The following MTUS2 variants were observed in gnomAD, a reference collection of about 807,000 sequenced individuals.
MTUS2 encodes the protein microtubule-associated tumor suppressor candidate 2.
A neutral mutation model predicts 114.1 loss-of-function variants in MTUS2; 40 were observed. That is an observed-to-expected ratio of 0.35 (90% CI 0.27 to 0.46). The LOEUF (loss-of-function observed/expected upper bound fraction) is 0.46, where lower values mean the gene tolerates loss of function less well. Among genes scored for constraint, MTUS2 ranks in the 20% least tolerant of loss-of-function variants. The pLI is 1.00. For missense variants in MTUS2, 1,679 were observed against 1,705.4 expected (o/e 0.98, Z 0.27); for synonymous variants, 688 against 672.0 (o/e 1.02, Z -0.37).
At chr13:29,204,708 A>G (rs1424342441) in intron 5 of MTUS2, among the ~76,000 whole-genome samples, 1 of 152,244 alleles carries the variant, frequency 6.6e-6, no homozygotes, top group Non-Finnish European at 1.5e-5. Context: ...CGCCCATGAC[A>G]GCAGTGTAGT....
intron 1 of MTUS2, among the ~76,000 whole-genome samples, chr13:28,839,190 TAGAGA>T (rs367600645): frequency 6.6e-6 from 1 of 152,176 alleles, no homozygotes; most frequent in Admixed American, 6.5e-5. Flanking sequence ...TTGGACAATT[TAGAGA>T]AGAGAGTAAT....
At chr13:29,171,623 A>T (rs956804223) in intron 5 of MTUS2, among the ~76,000 whole-genome samples, 4 of 152,238 alleles carry the variant, frequency 2.6e-5, no homozygotes, top group African/African-American at 4.8e-5. Context: ...TCTGCACGTG[A>T]CACAAAATTC....
intron 2 of MTUS2, among the ~76,000 whole-genome samples, chr13:28,882,508 G>A (rs1055212045): frequency 1.3e-5 from 2 of 152,108 alleles, no homozygotes; most frequent in Non-Finnish European, 2.9e-5. Context: ...GGCTGGGGTG[G>A]GAGGATTGCT....
chr13:29,191,122 A>G (rs1894431401), intron 5 of MTUS2, among the ~76,000 whole-genome samples: 1 of 152,030 alleles, frequency 6.6e-6, no homozygotes, highest in African/African-American at 2.4e-5. Context: ...AGAGTCTCAT[A>G]ACGCTTCAGC....
intron 5 of MTUS2, among the ~76,000 whole-genome samples, chr13:29,193,288 A>G (rs1894522966): frequency 6.6e-6 from 1 of 152,146 alleles, no homozygotes; most frequent in Non-Finnish European, 1.5e-5. Flanking sequence ...TAGTAAATAT[A>G]GAACACACCA....
chr13:29,210,242 GTTTC>G (rs1219485021), intron 5 of MTUS2, among the ~76,000 whole-genome samples: 1 of 151,918 alleles, frequency 6.6e-6, no homozygotes, highest in African/African-American at 2.4e-5. Context: ...TGTATTTTGT[GTTTC>G]TTTAAGTGTG....
At chr13:29,164,465 G>A (rs973141631) in intron 5 of MTUS2, among the ~76,000 whole-genome samples, 1 of 152,202 alleles carries the variant, frequency 6.6e-6, no homozygotes, top group South Asian at 2.1e-4. Flanking sequence ...TTCAATGATT[G>A]TAAATGTCTG....
intron 5 of MTUS2, among the ~76,000 whole-genome samples, chr13:29,131,702 C>T (rs1891770438): frequency 6.6e-6 from 1 of 152,242 alleles, no homozygotes; most frequent in South Asian, 2.1e-4. Context: ...AGCCTGGCTT[C>T]CTGCTCACCT....
chr13:28,996,029 G>C (rs1193493791), intron 2 of MTUS2, among the ~76,000 whole-genome samples: 1 of 152,156 alleles, frequency 6.6e-6, no homozygotes, highest in Non-Finnish European at 1.5e-5. Flanking sequence ...TATTGGCAGT[G>C]GGTTTGTCAT....
chr13:29,384,771 C>T lies in MTUS2; in HGVS notation c.3117+25298C>T, dbSNP rs78859579. 2.1e-3 allele frequency among the ~76,000 whole-genome samples: 326 copies of T among 152,294 alleles called. 1 individual carries two copies. Among genetic ancestry groups the T allele is most frequent in the East Asian group, 0.021 (110 of 5,186 alleles). On this transcript the variant is annotated intron_variant, in intron 8 of 15. Transcript: ENST00000612955. ...CCTGCCAGCCTGGATATCCTTCAAA[C>T]ATGGCAGCCCCCAGCCTGGGACTCC...
intron 5 of MTUS2, among the ~76,000 whole-genome samples, chr13:29,186,053 G>T (rs368226745): frequency 2.6e-5 from 4 of 152,034 alleles, no homozygotes; most frequent in African/African-American, 7.2e-5. Flanking sequence ...TCTGCTAAAA[G>T]TTAAAAAAAA....
At chr13:28,992,898 C>T (rs1884926575) in intron 2 of MTUS2, among the ~76,000 whole-genome samples, 1 of 152,190 alleles carries the variant, frequency 6.6e-6, no homozygotes, top group South Asian at 2.1e-4. Flanking sequence ...TCTCTCCCCA[C>T]AGCCCCTGGC....
chr13:28,828,208 A>G (rs1052697305), intron 1 of MTUS2, among the ~76,000 whole-genome samples: 1 of 152,234 alleles, frequency 6.6e-6, no homozygotes. Context: ...TGCTCTTGAA[A>G]GAAGAGAAAT....
chr13:29,299,080 G>A (rs925658100), intron 6 of MTUS2, among the ~76,000 whole-genome samples: 1 of 152,152 alleles, frequency 6.6e-6, no homozygotes, highest in African/African-American at 2.4e-5. Context: ...ATCTTTGTGG[G>A]AGAATAATAA....
intron 9 of MTUS2, among the ~76,000 whole-genome samples, chr13:29,474,281 C>T (rs1401883911): frequency 6.6e-6 from 1 of 152,186 alleles, no homozygotes; most frequent in Non-Finnish European, 1.5e-5. Flanking sequence ...CCAATCATTT[C>T]TGAGCCTCTA....
At chr13:29,334,992 A>G (rs1900979115) in intron 7 of MTUS2, among the ~76,000 whole-genome samples, 1 of 152,204 alleles carries the variant, frequency 6.6e-6, no homozygotes, top group Non-Finnish European at 1.5e-5. Context: ...GTGTGTTTGA[A>G]CAATATCAAA....
intron 1 of MTUS2, among the ~76,000 whole-genome samples, chr13:28,827,181 A>G (rs1047264538): frequency 6.6e-6 from 1 of 152,194 alleles, no homozygotes; most frequent in Non-Finnish European, 1.5e-5. Context: ...ATTTTGGTTG[A>G]AATTGATGTT....
Position 29,480,490 on chromosome 13 carries a change from AG to A in MTUS2, c.3399+127del. On this transcript the variant is annotated intron_variant, in intron 10 of 15. Coordinates refer to ENST00000612955, the MANE Select transcript of MTUS2 (RefSeq NM_001033602.4). The surrounding 1 kb of genome is among the most constrained non-coding windows in gnomAD (Gnocchi z 4.4). ...AGCTTTCTGAACAGTTCACTTTCTG[AG>A]TTGCTTTCTCCTTTCTCCCCGCTCC... 1 of 1,060,462 alleles carries A rather than the reference AG, an allele frequency of 9.4e-7. No homozygotes were observed. Among genetic ancestry groups the A allele is most frequent in the Middle Eastern group, 3.2e-4 (1 of 3,160 alleles). 65.7% of individuals were successfully genotyped at this position (1,060,462 alleles called of 1,614,324 possible). A position where few individuals can be genotyped will look rare whatever the true frequency, so the allele number is the denominator to read the frequency against.
chr13:28,994,896 T>C (rs548633616), intron 2 of MTUS2, among the ~76,000 whole-genome samples: 6 of 152,290 alleles, frequency 3.9e-5, no homozygotes, highest in Admixed American at 3.9e-4. Flanking sequence ...GCAGAAGCTC[T>C]TTAGTTTAAT....
Sources: gnomAD v4.1 joint callset for allele counts (sites outside exome capture counted in the v4.1 genomes callset) on GRCh38, gnomAD v4.1.1 for gene constraint, Gnocchi (gnomAD v3.1) non-coding constraint, MANE v1.5 for transcripts, NCBI Gene and HGNC (gene_info 2026-07-23, HGNC 2026-07-21) for gene names.